The following SIPA1L2 variants were observed in gnomAD, a reference collection of about 807,000 sequenced individuals.
SIPA1L2 encodes the protein signal induced proliferation associated 1 like 2, also known as signal-induced proliferation-associated 1-like protein 2.
A neutral mutation model predicts 163.9 loss-of-function variants in SIPA1L2; 56 were observed. The observed-to-expected ratio is 0.34, with a 90% CI of 0.28 to 0.43. The LOEUF (loss-of-function observed/expected upper bound fraction) is 0.43. Among genes scored for constraint, SIPA1L2 ranks in the 20% least tolerant of loss-of-function variants. The pLI is 1.00. For missense variants in SIPA1L2, 1,974 were observed against 2,193.5 expected (o/e 0.90, Z 2.00); for synonymous variants, 877 against 865.7 (o/e 1.01, Z -0.23).
chr1:232,466,575 G>T (rs190567220), intron 8 of SIPA1L2, among the ~76,000 whole-genome samples: 168 of 152,280 alleles, frequency 1.1e-3, no homozygotes, highest in African/African-American at 3.6e-3. Flanking sequence ...TGGATCATGA[G>T]GTCAGGAGAT....
Position 232,628,321 on chromosome 1 carries a change from G to T in SIPA1L2, c.-319+1548C>A, listed in dbSNP as rs540302184. ...CATCTCTTCCCAAAATGGATCAATG[G>T]AATCTTTTAGGAAGAATCAATGTGA... On this transcript the variant is annotated intron_variant, in intron 1 of 22. Coordinates refer to ENST00000674635, the MANE Select transcript of SIPA1L2 (RefSeq NM_020808.5). Among the ~76,000 whole-genome samples the T allele has an allele frequency of 4.8e-4, 73 of 152,290 alleles. No individual in the cohort carries two copies. The East Asian group carries it at 6.0e-3, about 12-fold the overall frequency.
At chr1:232,593,367 G>A (rs572199055) in intron 1 of SIPA1L2, among the ~76,000 whole-genome samples, 1 of 152,094 alleles carries the variant, frequency 6.6e-6, no homozygotes, top group African/African-American at 2.4e-5. Context: ...CGCTCAGCAC[G>A]CACGGGCTGT....
chr1:232,516,285 A>G (rs1667216094), intron 2 of SIPA1L2, among the ~76,000 whole-genome samples: 1 of 152,200 alleles, frequency 6.6e-6, no homozygotes, highest in Non-Finnish European at 1.5e-5. Context: ...TGATACATCA[A>G]ATACATTGCA....
chr1:232,536,121 G>A (rs1657289778), intron 2 of SIPA1L2, among the ~76,000 whole-genome samples: 1 of 152,190 alleles, frequency 6.6e-6, no homozygotes, highest in Non-Finnish European at 1.5e-5. Flanking sequence ...AGGAGACCAA[G>A]GAAGCACGAC....
intron 8 of SIPA1L2, among the ~76,000 whole-genome samples, chr1:232,469,882 A>G (rs543627843): frequency 1.3e-5 from 2 of 151,806 alleles, no homozygotes; most frequent in Admixed American, 6.5e-5. Context: ...GGAAAACCTA[A>G]AAGAAATAAA....
At chr1:232,523,793 T>C (rs1164544199) in intron 2 of SIPA1L2, among the ~76,000 whole-genome samples, 1 of 152,222 alleles carries the variant, frequency 6.6e-6, no homozygotes, top group Non-Finnish European at 1.5e-5. Flanking sequence ...TCAATCAATA[T>C]TGTTAAAAAT....
At chr1:232,630,297 G>A (rs1447746102), upstream of SIPA1L2, among the ~76,000 whole-genome samples, 1 of 151,820 alleles carries the variant, frequency 6.6e-6, no homozygotes, top group Non-Finnish European at 1.5e-5. Flanking sequence ...GGGCGCAGCC[G>A]GTGCGCTGTT....
intron 22 of SIPA1L2, among the ~76,000 whole-genome samples, chr1:232,399,913 T>C (rs1110167): frequency 0.67 from 102,155 of 151,936 alleles, 35,353 homozygotes; most frequent in African/African-American, 0.83. Context: ...CAGATTGTAA[T>C]AATCGGTATT....
At chr1:232,621,998 G>A (rs1662835031) in intron 1 of SIPA1L2, among the ~76,000 whole-genome samples, 1 of 152,180 alleles carries the variant, frequency 6.6e-6, no homozygotes, top group Non-Finnish European at 1.5e-5. Context: ...AAAGCACTGG[G>A]ATTACAGGCA....
chr1:232,464,913 C>G lies in SIPA1L2; in HGVS notation c.2747G>C (p.Arg916Thr), dbSNP rs1346612881. The G allele has an allele frequency of 6.2e-7, 1 of 1,614,202 alleles. No homozygotes were observed. The highest frequency in any genetic ancestry group is 2.2e-5 in the East Asian group (1 of 44,886). Residue 916 changes from arginine to threonine, a missense_variant, in exon 9 of 23, where the codon AGA (arginine) becomes ACA (threonine). By Grantham distance (71) the Arg-to-Thr change is moderately conservative. This residue lies in a region of SIPA1L2 where 1,079 missense variants were observed against 1,150.7 expected (regional missense o/e 0.94). Transcript: ENST00000674635. ...CGAGGACAGGAGGACACATTCTCCT[C>G]TTTCGTAAAACACTTTGATACTCAC... ...GLVSIKVFYERGECVLLSSVD... is the reference protein window; with the variant it reads ...GLVSIKVFYETGECVLLSSVD...
chr1:232,603,697 C>T (rs901497454), intron 1 of SIPA1L2, among the ~76,000 whole-genome samples: 1 of 151,932 alleles, frequency 6.6e-6, no homozygotes, highest in Non-Finnish European at 1.5e-5. Context: ...ATCACAGCAG[C>T]GAGGTCATGG....
intron 7 of SIPA1L2, among the ~76,000 whole-genome samples, chr1:232,472,617 G>T (rs1219357364): frequency 6.6e-6 from 1 of 152,188 alleles, no homozygotes; most frequent in Non-Finnish European, 1.5e-5. Context: ...AAAAGTTTGT[G>T]ATCTTCAGTT....
At chr1:232,501,050 ATTTTTTT>A (rs60008360) in intron 3 of SIPA1L2, among the ~76,000 whole-genome samples, 13 of 78,442 alleles carry the variant, frequency 1.7e-4, no homozygotes, top group South Asian at 6.2e-4. Flanking sequence ...GCAATGAAGT[ATTTTTTT>A]TTTTTTTTTT....
intron 1 of SIPA1L2, among the ~76,000 whole-genome samples, chr1:232,612,184 AT>A (rs1352713435): frequency 6.6e-6 from 1 of 152,224 alleles, no homozygotes; most frequent in African/African-American, 2.4e-5. Context: ...ATGTATGCAA[AT>A]ACCTGGATAA....
At chr1:232,630,362 T>C (rs1663328219), upstream of SIPA1L2, among the ~76,000 whole-genome samples, 1 of 151,654 alleles carries the variant, frequency 6.6e-6, no homozygotes, top group African/African-American at 2.4e-5. Flanking sequence ...CGGACGCCCT[T>C]CTTGGGGAGG....
At chr1:232,412,618 T>C (rs935409090) in intron 19 of SIPA1L2, among the ~76,000 whole-genome samples, 19 of 152,218 alleles carry the variant, frequency 1.2e-4, no homozygotes, top group African/African-American at 4.3e-4. Context: ...ATCACCACCA[T>C]GCAACTCACG....
At chr1:232,566,326 T>C (rs1285176003) in intron 2 of SIPA1L2, among the ~76,000 whole-genome samples, 1 of 152,222 alleles carries the variant, frequency 6.6e-6, no homozygotes, top group African/African-American at 2.4e-5. Flanking sequence ...CACTGAATTG[T>C]TCCTTTATAA....
In SIPA1L2 at chr1:232,584,873, G is replaced by A. The variant is rs557042314; in HGVS notation, c.-318-10651C>T. Among the ~76,000 whole-genome samples the A allele has an allele frequency of 1.5e-4, 23 of 152,318 alleles. No homozygotes were observed. In the South Asian group the frequency reaches 4.8e-3, roughly 32 times the overall value. On this transcript the variant is annotated intron_variant, in intron 1 of 22. Coordinates refer to ENST00000674635, the MANE Select transcript of SIPA1L2 (RefSeq NM_020808.5). ...TCTGCAATAGGCTTGAGCACTTCTG[G>A]AAGAGAATAAATAAATCCATCATTA...
At chr1:232,539,563 C>A (rs1055109181) in intron 2 of SIPA1L2, among the ~76,000 whole-genome samples, 1 of 152,136 alleles carries the variant, frequency 6.6e-6, no homozygotes, top group Non-Finnish European at 1.5e-5. Context: ...TGGTACAGAG[C>A]ATCACCAGGC....
Sources: gnomAD v4.1 joint callset for allele counts (sites outside exome capture counted in the v4.1 genomes callset) on GRCh38, gnomAD v4.1.1 for gene constraint, gnomAD v4.1.1 regional missense constraint, MANE v1.5 for transcripts, NCBI Gene and HGNC (gene_info 2026-07-23, HGNC 2026-07-21) for gene names.